The following AOAH variants were observed in gnomAD, a reference collection of about 807,000 sequenced individuals.
AOAH encodes the protein acyloxyacyl hydrolase.
A neutral mutation model predicts 92.2 loss-of-function variants in AOAH; 64 were observed. That is an observed-to-expected ratio of 0.69 (90% confidence interval 0.57 to 0.86). AOAH has a LOEUF of 0.86. AOAH is among the 40% of genes least tolerant of loss of function. The pLI, the probability that AOAH is intolerant of heterozygous loss-of-function variation, is 0.00. For synonymous variants in AOAH, 263 were observed against 254.5 expected (o/e 1.03, Z -0.32); for missense variants, 656 against 694.6 (o/e 0.94, Z 0.62).
At position 36,635,606 on chromosome 7, in the gene AOAH, A is replaced by G. The variant is rs187294964; in HGVS notation, c.450+2245T>C. On this transcript the variant is annotated intron_variant, in intron 5 of 20. Transcript: ENST00000617537. Reference sequence around the variant, plus strand: ...TTTGTGATCAGGGCTGTCATTTGTAACTGCACAGGTTGTCCACTGTACGAT... The same window carrying G: ...TTTGTGATCAGGGCTGTCATTTGTAGCTGCACAGGTTGTCCACTGTACGAT... Among the ~76,000 whole-genome samples the G allele has an allele frequency of 6.1e-3, 924 of 152,236 alleles. 27 individuals carry two copies. Among genetic ancestry groups the G allele is most frequent in the Admixed American group, 0.054 (828 of 15,300 alleles).
chr7:36,668,518 C>T (rs1406716215), intron 3 of AOAH, among the ~76,000 whole-genome samples: 2 of 152,120 alleles, frequency 1.3e-5, no homozygotes, highest in African/African-American at 4.8e-5. Flanking sequence ...GCAGAGTCTC[C>T]CCCTGTCACC....
intron 12 of AOAH, among the ~76,000 whole-genome samples, chr7:36,578,190 T>C (rs972532364): frequency 6.6e-6 from 1 of 152,232 alleles, no homozygotes; most frequent in Admixed American, 6.5e-5. Context: ...ATTTACTTAA[T>C]AGATGCTTAT....
chr7:36,575,958 A>G (rs980254533), intron 13 of AOAH, among the ~76,000 whole-genome samples: 3 of 152,210 alleles, frequency 2.0e-5, no homozygotes, highest in African/African-American at 7.2e-5. Context: ...CTGATTAGCA[A>G]TATCTTTCCC....
At position 36,724,352 on chromosome 7, in the gene AOAH, G is replaced by T; in HGVS notation, c.-204C>A. On this transcript the variant is annotated 5_prime_UTR_variant, in exon 1 of 21. It adds an upstream start codon to the 5' untranslated region. Coordinates refer to ENST00000617537, the MANE Select transcript of AOAH (RefSeq NM_001637.4). ...ACACATAAACACTCACAGACCCACA[G>T]CTTGCTCTTGTTGGACCCTGAGAGA... 1 of 467,472 alleles carries T rather than the reference G, an allele frequency of 2.1e-6. No individual in the cohort carries two copies. Among genetic ancestry groups the T allele is most frequent in the Non-Finnish European group, 3.8e-6 (1 of 260,548 alleles). The allele number at this position is 467,472 out of a possible 1,614,324, so 29.0% of individuals were successfully genotyped here. A position where few individuals can be genotyped will look rare whatever the true frequency, so the allele number is the denominator to read the frequency against.
chr7:36,629,901 T>C (rs996926044), intron 6 of AOAH, among the ~76,000 whole-genome samples: 7 of 152,250 alleles, frequency 4.6e-5, no homozygotes, highest in African/African-American at 1.7e-4. Flanking sequence ...TCTGCGAATG[T>C]GACCTTATTT....
At chr7:36,637,023 T>G (rs1444258224) in intron 5 of AOAH, among the ~76,000 whole-genome samples, 1 of 152,236 alleles carries the variant, frequency 6.6e-6, no homozygotes, top group African/African-American at 2.4e-5. Context: ...CCAGTATCTT[T>G]GGCATTGAGG....
intron 15 of AOAH, among the ~76,000 whole-genome samples, chr7:36,545,837 G>T (rs1427751126): frequency 6.6e-6 from 1 of 152,170 alleles, no homozygotes; most frequent in East Asian, 1.9e-4. Context: ...GCAAAGGATT[G>T]TCACTGGCCT....
intron 11 of AOAH, among the ~76,000 whole-genome samples, chr7:36,608,724 A>C (rs1032766269): frequency 2.6e-5 from 4 of 152,106 alleles, no homozygotes; most frequent in African/African-American, 9.7e-5. Context: ...ATGACTGTGG[A>C]GTGAGCTTGG....
At chr7:36,569,302 T>C (rs1306678895) in intron 13 of AOAH, among the ~76,000 whole-genome samples, 1 of 152,190 alleles carries the variant, frequency 6.6e-6, no homozygotes, top group Non-Finnish European at 1.5e-5. Flanking sequence ...AGGAAAGTCT[T>C]GTCTGGAAAC....
chr7:36,525,036 T>G (rs1266876159), intron 19 of AOAH, among the ~76,000 whole-genome samples: 1 of 152,158 alleles, frequency 6.6e-6, no homozygotes, highest in Non-Finnish European at 1.5e-5. Flanking sequence ...TGTGAAGAGT[T>G]GGATGAATAA....
intron 3 of AOAH, among the ~76,000 whole-genome samples, chr7:36,662,089 C>T (rs7807475): frequency 0.4 from 60,502 of 151,994 alleles, 12,464 homozygotes; most frequent in South Asian, 0.53. Context: ...ATTTCTACTG[C>T]GCACCTTCCA....
intron 4 of AOAH, among the ~76,000 whole-genome samples, chr7:36,651,530 T>G (rs1794578081): frequency 6.6e-6 from 1 of 152,198 alleles, no homozygotes; most frequent in African/African-American, 2.4e-5. Context: ...GTGGTTTCAT[T>G]GTTACTGAGA....
intron 19 of AOAH, among the ~76,000 whole-genome samples, chr7:36,526,669 C>A (rs1784409748): frequency 1.3e-5 from 2 of 152,156 alleles, no homozygotes; most frequent in African/African-American, 4.8e-5. Flanking sequence ...AGATTTGGAG[C>A]ATAATGTATT....
Position 36,673,984 on chromosome 7 carries a change from G to A in AOAH, c.249C>T (p.Cys83=). The part of the protein sequence containing the change: ...LPEKLFLKTT[C]YLVIDKFGSD... ...ATCCAAACTTGTCAATGACTAAATA[G>A]CAGGTGGTTTTCAAGAACAGTTTTT... is the stretch of plus-strand genomic sequence containing the variant. The change falls in exon 3 of 21, where the codon TGC becomes TGT. Residue 83 remains cysteine, a synonymous_variant. Transcript: ENST00000617537. 6.2e-7 allele frequency: 1 copy of A among 1,610,068 alleles called. No homozygotes were observed.
intron 16 of AOAH, among the ~76,000 whole-genome samples, chr7:36,538,108 A>G (rs1177343673): frequency 1.3e-5 from 2 of 150,600 alleles, no homozygotes; most frequent in African/African-American, 4.9e-5. Flanking sequence ...GCTCACTGCA[A>G]CCTCTGCCTC....
At chr7:36,617,461 C>T (rs1376769611) in intron 10 of AOAH, among the ~76,000 whole-genome samples, 1 of 152,196 alleles carries the variant, frequency 6.6e-6, no homozygotes, top group Non-Finnish European at 1.5e-5. Context: ...CCTCTGAGGG[C>T]TTAAAGACAA....
chr7:36,615,593 T>C (rs1438177692), intron 11 of AOAH, among the ~76,000 whole-genome samples: 1 of 152,162 alleles, frequency 6.6e-6, no homozygotes, highest in Non-Finnish European at 1.5e-5. Flanking sequence ...CCCTGCACCC[T>C]CCAGCTCCCA....
intron 18 of AOAH, 25 bp from the exon 19 acceptor site, chr7:36,530,539 ATT>A: frequency 6.7e-7 from 1 of 1,500,898 alleles, no homozygotes; most frequent in Non-Finnish European, 9.3e-7. Context: ...AACAGGGAGA[ATT>A]TCATGAAATC....
intron 13 of AOAH, among the ~76,000 whole-genome samples, chr7:36,557,587 C>G (rs1271123184): frequency 6.6e-6 from 1 of 152,226 alleles, no homozygotes; most frequent in Non-Finnish European, 1.5e-5. Flanking sequence ...TGTTTTCCAA[C>G]TTGGTTCCAT....
Sources: allele counts gnomAD v4.1 joint callset (sites outside exome capture counted in the v4.1 genomes callset), GRCh38; gene constraint gnomAD v4.1.1; transcripts MANE v1.5; gene names NCBI Gene and HGNC (gene_info 2026-07-23, HGNC 2026-07-21).